The following ACTR2 variants were observed in gnomAD, a reference collection of about 807,000 sequenced individuals.
ACTR2 encodes actin related protein 2.
ACTR2 carries 5 observed loss-of-function variants against 50.2 expected under a neutral mutation model. That is an observed-to-expected ratio of 0.10 (90% confidence interval 0.05 to 0.21). The LOEUF (loss-of-function observed/expected upper bound fraction) is 0.21. Ranked by LOEUF, ACTR2 falls within the 10% of genes least tolerant of loss-of-function variation. ACTR2 has a pLI of 1.00. For missense variants in ACTR2, 180 were observed against 480.6 expected, an observed-to-expected ratio of 0.37 and a Z score of 5.85; for synonymous variants, 140 against 162.9, an observed-to-expected ratio of 0.86 and a Z score of 1.07.
intron 5 of ACTR2, among the ~76,000 whole-genome samples, chr2:65,254,786 T>C (rs1310318480): frequency 6.6e-6 from 1 of 152,228 alleles, no homozygotes; most frequent in Non-Finnish European, 1.5e-5. Context: ...TACCTTGACA[T>C]TGGGTTCCTT....
rs547041032 is a variant in ACTR2, at chr2:65,246,787, G to A, written c.375+48G>A. ...CATATGTGTATTTCTGTGATATTATGTTAAATCAAAAATTTTCTTACTGTT... is the reference window on the plus strand; with the variant it reads ...CATATGTGTATTTCTGTGATATTATATTAAATCAAAAATTTTCTTACTGTT... On this transcript the variant is annotated intron_variant, in intron 3 of 8. Coordinates refer to ENST00000260641, the MANE Select transcript of ACTR2 (RefSeq NM_005722.4). 4.7e-5 allele frequency: 60 copies of A among 1,266,380 alleles called. 2 individuals carry two copies. The South Asian group carries it at 8.0e-4, about 17-fold the overall frequency. 78.4% of individuals were successfully genotyped at this position (1,266,380 alleles called of 1,614,324 possible). A position where few individuals can be genotyped will look rare whatever the true frequency, so the allele number is the denominator to read the frequency against.
At chr2:65,248,675 CAGT>C (rs1368251506) in intron 3 of ACTR2, among the ~76,000 whole-genome samples, 1 of 152,018 alleles carries the variant, frequency 6.6e-6, no homozygotes, top group Non-Finnish European at 1.5e-5. Context: ...AGAGGGTAGA[CAGT>C]GGTGAAAAGG....
chr2:65,233,831 G>A (rs1339311342), intron 1 of ACTR2, among the ~76,000 whole-genome samples: 1 of 151,936 alleles, frequency 6.6e-6, no homozygotes, highest in Non-Finnish European at 1.5e-5. Context: ...GGCTGGTTTC[G>A]AACTCCTGAC....
chr2:65,256,722 A>G (rs917495965), intron 6 of ACTR2, among the ~76,000 whole-genome samples: 9 of 152,082 alleles, frequency 5.9e-5, no homozygotes, highest in Non-Finnish European at 1.0e-4. Context: ...AATACAAAAA[A>G]TTAGCTGGGC....
In ACTR2 at chr2:65,229,939, G is replaced by A. The variant is rs529577297; in HGVS notation, c.48+1982G>A. Among the ~76,000 whole-genome samples the A allele has an allele frequency of 5.3e-5, 8 of 152,212 alleles. No homozygotes were observed. In the South Asian group the frequency reaches 1.0e-3, roughly 20 times the overall value. On this transcript the variant is annotated intron_variant, in intron 1 of 8. Transcript: ENST00000260641. The stretch of plus-strand genomic sequence containing the variant: ...GATGTATGTCCACAAACTTGTATCC[G>A]CATATGAAAGTTTTGGAGGGATACA...
intron 1 of ACTR2, among the ~76,000 whole-genome samples, chr2:65,230,403 A>ATTTTTTTTTTTTTT: frequency 1.3e-5 from 1 of 78,174 alleles, no homozygotes; most frequent in Non-Finnish European, 2.3e-5. Context: ...ACCGAAGCTG[A>ATTTTTTTTTTTTTT]TTTTTTTTTT....
intron 2 of ACTR2, among the ~76,000 whole-genome samples, chr2:65,244,185 G>A (rs1022946913): frequency 6.6e-6 from 1 of 152,130 alleles, no homozygotes; most frequent in Non-Finnish European, 1.5e-5. Flanking sequence ...TCATGTAAAT[G>A]TAAGCCCCTA....
At position 65,233,623 on chromosome 2, in the gene ACTR2, TG is replaced by T. The variant is rs1050018807; in HGVS notation, c.48+5667del. The stretch of plus-strand genomic sequence containing the variant: ...TTTTTTAATTATTTTATTTTATTAT[TG>T]TTTTTGAGACAGAGTCTCACTCTGT... On this transcript the variant is annotated intron_variant, in intron 1 of 8. Coordinates refer to ENST00000260641, the MANE Select transcript of ACTR2 (RefSeq NM_005722.4). Among the ~76,000 whole-genome samples, 476 of 152,074 alleles carry T rather than the reference TG, an allele frequency of 3.1e-3. 1 individual carries two copies. Among genetic ancestry groups the T allele is most frequent in the African/African-American group, 0.011 (461 of 41,502 alleles).
chr2:65,261,610 C>T (rs1476692962), intron 7 of ACTR2, among the ~76,000 whole-genome samples: 1 of 152,162 alleles, frequency 6.6e-6, no homozygotes, highest in African/African-American at 2.4e-5. Context: ...TAATGTTCTT[C>T]ATGTTTGCTT....
intron 3 of ACTR2, among the ~76,000 whole-genome samples, chr2:65,248,315 G>T (rs761002834): frequency 1.3e-5 from 2 of 151,964 alleles, no homozygotes; most frequent in African/African-American, 4.8e-5. Flanking sequence ...CAGGAGAATC[G>T]CTTGAACCCA....
chr2:65,246,339 G>A (rs997346122), intron 2 of ACTR2, 185 bp from the exon 3 acceptor site: 6 of 491,502 alleles, frequency 1.2e-5, no homozygotes, highest in African/African-American at 2.0e-5. Context: ...AAACCACATT[G>A]TATGTAAAAA....
intron 7 of ACTR2, among the ~76,000 whole-genome samples, chr2:65,264,026 G>T (rs1672327403): frequency 6.6e-6 from 1 of 152,200 alleles, no homozygotes; most frequent in South Asian, 2.1e-4. Context: ...CTGCTCTCCA[G>T]CCTGGGTGAC....
At chr2:65,241,965 A>G (rs1020453026) in intron 2 of ACTR2, 2 of 1,564,802 alleles carry the variant, frequency 1.3e-6, no homozygotes, top group Non-Finnish European at 8.8e-7. Flanking sequence ...ATGTTTAAAC[A>G]TTTCAGTGAG....
At chr2:65,255,271 A>G (rs368735890) in intron 5 of ACTR2, among the ~76,000 whole-genome samples, 1 of 152,218 alleles carries the variant, frequency 6.6e-6, no homozygotes, top group Admixed American at 6.5e-5. Flanking sequence ...AAAACTATCA[A>G]AACATTAGTA....
chr2:65,250,866 C>G (rs766316593), intron 3 of ACTR2, among the ~76,000 whole-genome samples, 161 bp from the exon 4 acceptor site: 79 of 152,126 alleles, frequency 5.2e-4, no homozygotes, highest in Non-Finnish European at 9.3e-4. Context: ...GGCAGCAGGA[C>G]TTCAATAAGA....
chr2:65,237,569 T>G (rs1160171569), intron 1 of ACTR2, among the ~76,000 whole-genome samples: 5 of 152,132 alleles, frequency 3.3e-5, no homozygotes, highest in African/African-American at 4.8e-5. Flanking sequence ...AATTTGTAAC[T>G]GCCGGGCACA....
chr2:65,228,225 G>T (rs1671566565), intron 1 of ACTR2: 1 of 371,848 alleles, frequency 2.7e-6, no homozygotes, highest in Non-Finnish European at 4.8e-6. Flanking sequence ...CCTACTGACC[G>T]CCCGGCAGGG....
In ACTR2 at chr2:65,267,862, C is replaced by CTTTTTTTTTTTTTT. The variant is rs70943640; in HGVS notation, c.1015-687_1015-674dup. ...ACCTTGAAGAAGTCATGCAAGTCCT[C>CTTTTTTTTTTTTTT]TTTTTTTTTTTTTTTTTTTTTTTTT... On this transcript the variant is annotated intron_variant, in intron 8 of 8. Transcript: ENST00000260641. Among the ~76,000 whole-genome samples the CTTTTTTTTTTTTTT allele has an allele frequency of 3.5e-3, 166 of 47,410 alleles. 32 individuals are homozygous for CTTTTTTTTTTTTTT. Among genetic ancestry groups the CTTTTTTTTTTTTTT allele is most frequent in the Non-Finnish European group, 4.5e-3 (118 of 26,196 alleles). The allele number at this position is 47,410 out of a possible 152,430, so 31.1% of individuals were successfully genotyped here.
chr2:65,257,735 G>A (rs1416944499), intron 6 of ACTR2, among the ~76,000 whole-genome samples: 6 of 152,280 alleles, frequency 3.9e-5, no homozygotes, highest in Non-Finnish European at 5.9e-5. Context: ...CCACATAAAT[G>A]TCTTCTTTTG....
Sources: gnomAD v4.1 joint callset for allele counts (sites outside exome capture counted in the v4.1 genomes callset) on GRCh38, gnomAD v4.1.1 for gene constraint, MANE v1.5 for transcripts, NCBI Gene and HGNC (gene_info 2026-07-23, HGNC 2026-07-21) for gene names.